The following OR7C1 variants were observed in gnomAD, a reference collection of about 807,000 sequenced individuals.
OR7C1 encodes the protein olfactory receptor family 7 subfamily C member 1.
For synonymous variants in OR7C1, 152 were observed against 160.7 expected, an observed-to-expected ratio of 0.95 and a Z score of 0.41; for missense variants, 324 against 383.3, an observed-to-expected ratio of 0.85 and a Z score of 1.29.
At chr19:14,822,373 C>CTTTTTT (rs1162241411) in intron 1 of OR7C1, among the ~76,000 whole-genome samples, 905 of 67,720 alleles carry the variant, frequency 0.013, 143 homozygotes, top group Middle Eastern at 0.022. Flanking sequence ...TATCTCCTGT[C>CTTTTTT]TTTTTTTTTT....
chr19:14,824,373 T>G (rs543330679), intron 1 of OR7C1: 1 of 152,208 alleles, frequency 6.6e-6, no homozygotes, highest in Non-Finnish European at 1.5e-5. Flanking sequence ...CTTTTCCTAC[T>G]CCCTTTCTCC....
chr19:14,812,475 C>A (rs528652171), intron 1 of OR7C1, among the ~76,000 whole-genome samples: 6 of 152,248 alleles, frequency 3.9e-5, no homozygotes, highest in Non-Finnish European at 5.9e-5. Flanking sequence ...CTGCTCTGTT[C>A]TGTTCCACTC....
At chr19:14,801,844 A>G (rs954196450) in intron 2 of OR7C1, among the ~76,000 whole-genome samples, 1 of 152,330 alleles carries the variant, frequency 6.6e-6, no homozygotes, top group African/African-American at 2.4e-5. Context: ...TTAAACAACC[A>G]GATTTCATGA....
rs372888720 is a variant in OR7C1 at position 14,808,167 on chromosome 19, G to A, written c.-435+1639C>T. Among the ~76,000 whole-genome samples the A allele has an allele frequency of 1.4e-4, 21 of 151,688 alleles. 1 individual carries two copies. The highest frequency in any genetic ancestry group is 5.1e-4 in the African/African-American group (21 of 41,224). On this transcript the variant is annotated intron_variant, in intron 2 of 4. Transcript: ENST00000641666. ...GAAAAGGGACTGCTTATGTGCTGTTGGTGGGAACGCAAATTAATTCAGTCT... is the reference window on the plus strand; with the variant it reads ...GAAAAGGGACTGCTTATGTGCTGTTAGTGGGAACGCAAATTAATTCAGTCT...
chr19:14,817,025 G>A (rs1296631448), intron 1 of OR7C1, among the ~76,000 whole-genome samples: 1 of 151,966 alleles, frequency 6.6e-6, no homozygotes, highest in East Asian at 1.9e-4. Flanking sequence ...CAGATACAGG[G>A]AGCTGTGGCC....
Position 14,827,511 on chromosome 19 carries a change from T to C in OR7C1, c.-623+7563A>G, listed in dbSNP as rs202225071. 210 of 1,613,750 alleles carry C rather than the reference T, an allele frequency of 1.3e-4. 2 individuals are homozygous for C. In the Admixed American group the frequency reaches 3.5e-3, roughly 27 times the overall value. ...ATAAAATAAGGAGACAACTGAGAGG[T>C]GAGATGCACAGGTGGAAAATGCCTT... is the stretch of plus-strand genomic sequence containing the variant. On this transcript the variant is annotated intron_variant, in intron 1 of 4. Coordinates refer to ENST00000641666, the Ensembl canonical transcript of OR7C1.
intron 1 of OR7C1, chr19:14,828,215 A>C: frequency 6.2e-7 from 1 of 1,612,594 alleles, no homozygotes; most frequent in South Asian, 1.1e-5. Flanking sequence ...GAAATTCTGA[A>C]ATTTGTGTAT....
chr19:14,818,989 T>C lies in OR7C1; in HGVS notation c.-622-8996A>G, dbSNP rs571208304. ...TGGTTACATATGTACACATGTGCCATGTTGGCGTGCTGCACCTATTAACTC... is the reference window on the plus strand; with the variant it reads ...TGGTTACATATGTACACATGTGCCACGTTGGCGTGCTGCACCTATTAACTC... On this transcript the variant is annotated intron_variant, in intron 1 of 4. Transcript: ENST00000641666. Among the ~76,000 whole-genome samples the C allele has an allele frequency of 1.3e-3, 192 of 152,284 alleles. 5 individuals carry two copies. The South Asian group carries it at 0.038, about 30-fold the overall frequency.
intron 1 of OR7C1, chr19:14,825,621 G>C (rs778165832): frequency 6.6e-6 from 1 of 151,648 alleles, no homozygotes; most frequent in Non-Finnish European, 1.5e-5. Context: ...CCAGCTTTAG[G>C]AGGAGAGGAC....
intron 1 of OR7C1, among the ~76,000 whole-genome samples, chr19:14,828,515 CTT>C (rs1277254488): frequency 2.0e-5 from 3 of 152,060 alleles, no homozygotes; most frequent in Non-Finnish European, 4.4e-5. Flanking sequence ...AACCCCAGCA[CTT>C]TGGGAGGTCA....
intron 1 of OR7C1, among the ~76,000 whole-genome samples, chr19:14,831,990 C>G (rs1235822135): frequency 5.3e-5 from 8 of 152,020 alleles, no homozygotes; most frequent in African/African-American, 1.9e-4. Context: ...CTCACTGCAG[C>G]CTCAAATTTC....
intron 1 of OR7C1, among the ~76,000 whole-genome samples, chr19:14,812,651 A>G (rs2044696796): frequency 6.6e-6 from 1 of 151,756 alleles, no homozygotes; most frequent in Non-Finnish European, 1.5e-5. Flanking sequence ...CTCCCAGCTG[A>G]TTAAAGCCAC....
rs1470227002 is a variant in OR7C1, at chr19:14,818,067, TTTATTTA to T, written c.-622-8081_-622-8075del. Among the ~76,000 whole-genome samples the T allele has an allele frequency of 1.8e-3, 171 of 93,360 alleles. 1 individual carries two copies. Among genetic ancestry groups the T allele is most frequent in the African/African-American group, 8.0e-3 (159 of 19,788 alleles). 61.2% of individuals were successfully genotyped at this position (93,360 alleles called of 152,430 possible). ...TAAGTCATACATTTTATTTATTTTA[TTTATTTA>T]TTTATTTATTTATTTATTTATTTAT... On this transcript the variant is annotated intron_variant, in intron 1 of 4. Coordinates refer to ENST00000641666, the Ensembl canonical transcript of OR7C1.
intron 1 of OR7C1, among the ~76,000 whole-genome samples, chr19:14,823,724 A>G (rs2044751957): frequency 1.3e-5 from 2 of 152,100 alleles, no homozygotes; most frequent in South Asian, 4.1e-4. Context: ...GTATTTGACT[A>G]TTTCTGAGTT....
exon 5 of OR7C1, chr19:14,799,016 T>C (rs2044624998): frequency 1.2e-6 from 1 of 833,720 alleles, no homozygotes; most frequent in Middle Eastern, 2.7e-4. Context: ...TGCCAAGGAC[T>C]CTGTGGCCCT....
chr19:14,812,568 G>GT (rs1457585132), intron 1 of OR7C1, among the ~76,000 whole-genome samples: 1 of 151,756 alleles, frequency 6.6e-6, no homozygotes, highest in Non-Finnish European at 1.5e-5. Flanking sequence ...AATCCTTAGA[G>GT]TTGTGAGCCC....
At chr19:14,799,165 C>G in exon 5 of OR7C1, 1 of 1,595,572 alleles carries the variant, frequency 6.3e-7, no homozygotes, top group Non-Finnish European at 8.5e-7. Flanking sequence ...ATGGTCCAAG[C>G]CTTGCTACTT....
At chr19:14,828,631 C>T (rs999210061) in intron 1 of OR7C1, among the ~76,000 whole-genome samples, 5 of 151,762 alleles carry the variant, frequency 3.3e-5, no homozygotes, top group Middle Eastern at 3.4e-3. Context: ...TAGTGGCATG[C>T]GCCTGTAGTC....
intron 1 of OR7C1, among the ~76,000 whole-genome samples, chr19:14,817,869 G>A (rs2044722716): frequency 6.6e-6 from 1 of 152,042 alleles, no homozygotes; most frequent in Admixed American, 6.6e-5. Context: ...TAGTCAAGGA[G>A]TTTTGCAGGT....
Sources: gnomAD v4.1 joint callset for allele counts (sites outside exome capture counted in the v4.1 genomes callset) on GRCh38, gnomAD v4.1.1 for gene constraint, MANE v1.5 for transcripts, NCBI Gene and HGNC (gene_info 2026-07-23, HGNC 2026-07-21) for gene names.